The following ZFHX3 variants were observed in gnomAD, a reference collection of about 807,000 sequenced individuals.
ZFHX3 encodes the protein zinc finger homeobox protein 3.
ZFHX3 carries 42 observed loss-of-function variants against 279.1 expected under a neutral mutation model. That is an observed-to-expected ratio of 0.15 (90% confidence interval 0.12 to 0.19). The LOEUF (loss-of-function observed/expected upper bound fraction) is 0.19. Among genes scored for constraint, ZFHX3 ranks in the 10% least tolerant of loss-of-function variants. The pLI is 1.00. For missense variants in ZFHX3, 4,981 were observed against 4,754.0 expected (o/e 1.05, Z -1.40); for synonymous variants, 2,293 against 1,957.8 (o/e 1.17, Z -4.52).
rs200756711 is a variant in ZFHX3, at chr16:72,787,050, T to G, written c.*114A>C. 8.4e-5 allele frequency: 86 copies of G among 1,027,640 alleles called. No individual in the cohort carries two copies. The highest frequency in any genetic ancestry group is 4.5e-4 in the South Asian group (10 of 22,222). The allele number at this position is 1,027,640 out of a possible 1,614,324, so 63.7% of individuals were successfully genotyped here. A position where few individuals can be genotyped will look rare whatever the true frequency, so the allele number is the denominator to read the frequency against. Reference sequence around the variant, plus strand: ...TTTTTCTTTTTTTTCTTTTTTTTTTTTTTTTTGTTTTTTGGTTAGAAGCTT... The same window carrying G: ...TTTTTCTTTTTTTTCTTTTTTTTTTGTTTTTTGTTTTTTGGTTAGAAGCTT... On this transcript the variant is annotated 3_prime_UTR_variant, in exon 10 of 10. Transcript: ENST00000268489.
At chr16:73,595,588 T>C (rs2052040338) in intron 2 of ZFHX3, among the ~76,000 whole-genome samples, 1 of 152,206 alleles carries the variant, frequency 6.6e-6, no homozygotes, top group Non-Finnish European at 1.5e-5. Flanking sequence ...TCACACTCTC[T>C]GGGTGTGATA....
In ZFHX3 at chr16:73,615,334, G is replaced by A. The variant is rs930118365; in HGVS notation, c.-1547+64846C>T. Among the ~76,000 whole-genome samples, 3 of 152,176 alleles carry A rather than the reference G, an allele frequency of 2.0e-5. 1 individual carries two copies. The highest frequency in any genetic ancestry group is 2.0e-4 in the Admixed American group (3 of 15,292). Reference sequence around the variant, plus strand: ...GGGCTTGGTCAGGGGTAAGAAAGGCGATTCCAGCTCTCAGGAGGTAAGACA... The same window carrying A: ...GGGCTTGGTCAGGGGTAAGAAAGGCAATTCCAGCTCTCAGGAGGTAAGACA... On this transcript the variant is annotated intron_variant, in intron 2 of 17. Coordinates refer to the ZFHX3 transcript ENST00000641206.
At chr16:73,251,437 C>A (rs1335698558) in intron 5 of ZFHX3, among the ~76,000 whole-genome samples, 1 of 152,146 alleles carries the variant, frequency 6.6e-6, no homozygotes, top group Non-Finnish European at 1.5e-5. Flanking sequence ...CTTATTTGGT[C>A]ATCATGATAA....
At chr16:73,119,539 A>G (rs1414319192) in intron 7 of ZFHX3, among the ~76,000 whole-genome samples, 1 of 152,188 alleles carries the variant, frequency 6.6e-6, no homozygotes, top group Non-Finnish European at 1.5e-5. Flanking sequence ...TGGGCCCTTC[A>G]TTATGCTCCT....
At chr16:73,820,967 C>G (rs924291180) in intron 1 of ZFHX3, among the ~76,000 whole-genome samples, 7 of 151,992 alleles carry the variant, frequency 4.6e-5, no homozygotes, top group African/African-American at 1.7e-4. Context: ...TCATGTCATT[C>G]TTGCAGTCAA....
chr16:73,568,287 G>A (rs2020477857), intron 2 of ZFHX3, among the ~76,000 whole-genome samples: 1 of 152,050 alleles, frequency 6.6e-6, no homozygotes, highest in South Asian at 2.1e-4. Context: ...CTTTTCCCTG[G>A]TTTTCAGAAA....
intron 3 of ZFHX3, among the ~76,000 whole-genome samples, chr16:73,364,004 C>T (rs752408202): frequency 2.6e-5 from 4 of 152,100 alleles, no homozygotes; most frequent in Non-Finnish European, 5.9e-5. Context: ...GAAACCCCGT[C>T]TCTACTAAAA....
chr16:72,896,471 C>G (rs2038902615), intron 3 of ZFHX3, among the ~76,000 whole-genome samples: 1 of 152,106 alleles, frequency 6.6e-6, no homozygotes, highest in African/African-American at 2.4e-5. Flanking sequence ...GCGCGTAACA[C>G]CAAGCACAAA....
chr16:72,858,589 T>C (rs1330772886), intron 4 of ZFHX3, among the ~76,000 whole-genome samples: 1 of 152,242 alleles, frequency 6.6e-6, no homozygotes, highest in East Asian at 1.9e-4. Context: ...ATGAATGACC[T>C]TTCTGGCAAA....
chr16:73,823,465 G>A (rs1320521600), intron 1 of ZFHX3, among the ~76,000 whole-genome samples: 1 of 152,224 alleles, frequency 6.6e-6, no homozygotes, highest in East Asian at 1.9e-4. Context: ...TCAAACCAAT[G>A]CAGGAACAGT....
chr16:73,459,356 TTTG>T (rs764578766), intron 2 of ZFHX3, among the ~76,000 whole-genome samples: 110 of 152,172 alleles, frequency 7.2e-4, no homozygotes, highest in Admixed American at 2.8e-3. Context: ...AGGTTGTCTT[TTTG>T]TTGTTGTTTT....
chr16:72,952,179 G>A (rs185810036), intron 2 of ZFHX3, among the ~76,000 whole-genome samples: 80 of 152,354 alleles, frequency 5.3e-4, no homozygotes, highest in African/African-American at 1.8e-3. Flanking sequence ...GGCAGAGGCT[G>A]CAGTGAGCTG....
intron 4 of ZFHX3, among the ~76,000 whole-genome samples, chr16:72,876,163 T>C (rs749805762): frequency 1.3e-5 from 2 of 152,218 alleles, no homozygotes; most frequent in Non-Finnish European, 1.5e-5. Context: ...GGTTTTGGCC[T>C]AAAGCAAGTT....
chr16:73,588,707 C>CAAAAAAAAAAAA (rs35010044), intron 2 of ZFHX3, among the ~76,000 whole-genome samples: 6 of 134,192 alleles, frequency 4.5e-5, no homozygotes, highest in South Asian at 2.3e-4. Context: ...AAAAACAAAA[C>CAAAAAAAAAAAA]AAAAAAAAAA....
intron 2 of ZFHX3, among the ~76,000 whole-genome samples, chr16:73,647,013 C>CTTTTTTTT (rs4003260): frequency 6.8e-6 from 1 of 146,168 alleles, no homozygotes. Flanking sequence ...TTGTGCCAAC[C>CTTTTTTTT]TTTTTTTTTT....
At chr16:72,835,002 A>G (rs1221288279) in intron 4 of ZFHX3, among the ~76,000 whole-genome samples, 1 of 152,202 alleles carries the variant, frequency 6.6e-6, no homozygotes, top group Non-Finnish European at 1.5e-5. Context: ...CAAAGCCCCC[A>G]TAGTGCCTCA....
At chr16:73,181,333 G>T (rs371041416) in intron 5 of ZFHX3, among the ~76,000 whole-genome samples, 2 of 151,882 alleles carry the variant, frequency 1.3e-5, no homozygotes, top group Admixed American at 1.3e-4. Flanking sequence ...CCACTGATCT[G>T]CCTGCCTCAG....
intron 3 of ZFHX3, among the ~76,000 whole-genome samples, chr16:73,392,808 A>G (rs1214613432): frequency 6.7e-6 from 1 of 150,200 alleles, no homozygotes; most frequent in African/African-American, 2.5e-5. Context: ...AGGCAGGTCA[A>G]GAGCATTTCC....
At chr16:73,191,459 G>T (rs555959938) in intron 5 of ZFHX3, among the ~76,000 whole-genome samples, 35 of 152,114 alleles carry the variant, frequency 2.3e-4, no homozygotes, top group African/African-American at 8.2e-4. Context: ...GAGTCCCGGG[G>T]GTACAACAAC....
Sources: allele counts gnomAD v4.1 joint callset (sites outside exome capture counted in the v4.1 genomes callset), GRCh38; gene constraint gnomAD v4.1.1; transcripts MANE v1.5; gene names NCBI Gene and HGNC (gene_info 2026-07-23, HGNC 2026-07-21).